Variants in RASGRF1 observed in about 807,000 individuals in gnomAD.
RASGRF1 encodes Ras protein specific guanine nucleotide releasing factor 1.
A neutral mutation model predicts 138.7 loss-of-function variants in RASGRF1; 40 were observed. That is an observed-to-expected ratio of 0.29 (90% CI 0.22 to 0.38). The LOEUF (loss-of-function observed/expected upper bound fraction) is 0.38, where lower values mean the gene tolerates loss of function less well. RASGRF1 is among the 10% of genes least tolerant of loss of function. RASGRF1 has a pLI of 1.00. For synonymous variants in RASGRF1, 614 were observed against 663.2 expected, an observed-to-expected ratio of 0.93 and a Z score of 1.14; for missense variants, 1,108 against 1,650.4, an observed-to-expected ratio of 0.67 and a Z score of 5.69.
At chr15:78,967,546 T>G (rs998723782) in intron 26 of RASGRF1, among the ~76,000 whole-genome samples, 1 of 151,880 alleles carries the variant, frequency 6.6e-6, no homozygotes, top group African/African-American at 2.4e-5. Context: ...GAGATCCTGT[T>G]TCAAAAAACT....
At chr15:78,963,906 G>A (rs540196004) in intron 26 of RASGRF1, among the ~76,000 whole-genome samples, 6 of 152,310 alleles carry the variant, frequency 3.9e-5, no homozygotes, top group Admixed American at 1.3e-4. Flanking sequence ...CATGTGAACA[G>A]TCCTTTCTAG....
intron 1 of RASGRF1, among the ~76,000 whole-genome samples, chr15:79,066,272 C>T (rs963023226): frequency 1.3e-5 from 2 of 152,190 alleles, no homozygotes; most frequent in Non-Finnish European, 2.9e-5. Context: ...AGAGGTTGAG[C>T]TGCTTGCCTA....
Position 79,025,886 on chromosome 15 carries a change from G to A in RASGRF1, c.1382-412C>T, listed in dbSNP as rs76660619. 4.8e-3 allele frequency among the ~76,000 whole-genome samples: 719 copies of A among 150,016 alleles called. 5 individuals carry two copies. The highest frequency in any genetic ancestry group is 0.017 in the African/African-American group (700 of 40,656). ...CTGGGAACTACTTAGGGCAAACCCT[G>A]CCTCCCATCCTACTTGTAAAAAAGA... is the stretch of plus-strand genomic sequence containing the variant. On this transcript the variant is annotated intron_variant, in intron 9 of 26. Transcript: ENST00000558480.
At position 79,004,193 on chromosome 15, in the gene RASGRF1, G is replaced by A. The variant is rs1276896196; in HGVS notation, c.2076-18C>T. 3 of 1,546,562 alleles carry A rather than the reference G, an allele frequency of 1.9e-6. No individual in the cohort carries two copies. The highest frequency in any genetic ancestry group is 1.7e-6 in the Non-Finnish European group (2 of 1,147,134). The stretch of plus-strand genomic sequence containing the variant: ...CCAGCGACCTGTGGGGAGGGCGGGG[G>A]TGAAAATGACAGTTAGCGTAGGCCT... On this transcript the variant is annotated intron_variant, in intron 14 of 26. Coordinates refer to ENST00000558480, the MANE Select transcript of RASGRF1 (RefSeq NM_001145648.3).
At chr15:79,047,902 G>C (rs1175828518) in intron 4 of RASGRF1, among the ~76,000 whole-genome samples, 3 of 152,220 alleles carry the variant, frequency 2.0e-5, no homozygotes, top group Non-Finnish European at 4.4e-5. Context: ...AGCAGGTACA[G>C]TTGTCCAGGG....
At chr15:79,054,903 C>A (rs963464594) in intron 3 of RASGRF1, among the ~76,000 whole-genome samples, 1 of 152,150 alleles carries the variant, frequency 6.6e-6, no homozygotes, top group Non-Finnish European at 1.5e-5. Flanking sequence ...GCCAGGGAAA[C>A]CCCTGGGAAT....
chr15:79,079,981 G>A (rs2057892784), intron 1 of RASGRF1, among the ~76,000 whole-genome samples: 1 of 152,236 alleles, frequency 6.6e-6, no homozygotes. Context: ...AGAGCCAGCA[G>A]ATGCGACTCA....
At chr15:79,064,198 G>A (rs1397248601) in intron 2 of RASGRF1, among the ~76,000 whole-genome samples, 1 of 152,144 alleles carries the variant, frequency 6.6e-6, no homozygotes, top group Non-Finnish European at 1.5e-5. Context: ...TGGGAGCAGG[G>A]TAGGAGCTGC....
chr15:78,961,964 C>G lies in RASGRF1; in HGVS notation c.*180G>C, dbSNP rs1174752311. ...GGAGACGAGGGGAGGGATGGGTGGG[C>G]GAAGTCTGAAACGGTGCAGAAATTC... On this transcript the variant is annotated 3_prime_UTR_variant, in exon 27 of 27. Coordinates refer to ENST00000558480, the MANE Select transcript of RASGRF1 (RefSeq NM_001145648.3). 2 of 570,748 alleles carry G rather than the reference C, an allele frequency of 3.5e-6. No homozygotes were observed. The highest frequency in any genetic ancestry group is 6.2e-6 in the Non-Finnish European group (2 of 320,392). 35.4% of individuals were successfully genotyped at this position (570,748 alleles called of 1,614,324 possible). A position where few individuals can be genotyped will look rare whatever the true frequency, so the allele number is the denominator to read the frequency against.
At chr15:79,022,269 G>A (rs546768275) in intron 10 of RASGRF1, among the ~76,000 whole-genome samples, 45 of 152,170 alleles carry the variant, frequency 3.0e-4, no homozygotes, top group Admixed American at 2.0e-3. Flanking sequence ...GTGAAACCCC[G>A]TCTCTACTAA....
At chr15:78,999,691 C>T in intron 17 of RASGRF1, 52 bp downstream of exon 17, 2 of 1,584,778 alleles carry the variant, frequency 1.3e-6, no homozygotes, top group Non-Finnish European at 1.7e-6. Flanking sequence ...TATCACCTGC[C>T]ACTGGGGCTG....
rs1405460540 is a variant in RASGRF1, at chr15:79,001,657, T to C, written c.2575+5A>G. The C allele has an allele frequency of 5.0e-6, 8 of 1,613,344 alleles. No homozygotes were observed. The highest frequency in any genetic ancestry group is 2.7e-5 in the African/African-American group (2 of 75,018). On this transcript the variant is annotated splice_donor_5th_base_variant and intron_variant, in intron 16 of 26. Transcript: ENST00000558480. The stretch of plus-strand genomic sequence containing the variant: ...TATTTGTGGTTTTGAATTGGTGCAT[T>C]GTACCTGAAGAATTTTTGTTTTTGA...
At chr15:78,966,420 T>C (rs1334723677) in intron 26 of RASGRF1, among the ~76,000 whole-genome samples, 1 of 142,602 alleles carries the variant, frequency 7.0e-6, no homozygotes, top group Non-Finnish European at 1.5e-5. Flanking sequence ...TATTTTTTTG[T>C]AGAGTTGGGA....
chr15:79,087,427 TC>T (rs1201707397), intron 1 of RASGRF1, among the ~76,000 whole-genome samples: 2 of 152,236 alleles, frequency 1.3e-5, no homozygotes. Context: ...TCAAAAACCA[TC>T]CCTGGCCCTT....
chr15:78,970,825 C>CTT (rs35845555), intron 26 of RASGRF1, among the ~76,000 whole-genome samples: 1 of 131,808 alleles, frequency 7.6e-6, no homozygotes, highest in African/African-American at 2.8e-5. Flanking sequence ...CTAGCTGAGA[C>CTT]TTTTTTTTTT....
Position 78,999,818 on chromosome 15 carries a change from C to A in RASGRF1, c.2671G>T (p.Ala891Ser). The change falls in exon 17 of 27, where the codon GCC becomes TCC. Residue 891 changes from alanine to serine, a missense_variant. Physicochemically the swap from Ala to Ser is moderately conservative, Grantham distance 99. This residue lies in a region of RASGRF1 where 686 missense variants were observed against 976.7 expected (regional missense o/e 0.70). Transcript: ENST00000558480. ...RSALSAASAF[A>S]IATAGANEGT... Reference sequence around the variant, plus strand: ...TCGTTGGCCCCGGCGGTTGCTATGGCAAAGGCAGAGGCGGCCGACAAGGCA... The same window carrying A: ...TCGTTGGCCCCGGCGGTTGCTATGGAAAAGGCAGAGGCGGCCGACAAGGCA... The A allele has an allele frequency of 6.2e-7, 1 of 1,614,170 alleles. No individual in the cohort carries two copies.
intron 1 of RASGRF1, among the ~76,000 whole-genome samples, chr15:79,089,573 G>C (rs955163207): frequency 1.3e-5 from 2 of 152,244 alleles, no homozygotes; most frequent in Non-Finnish European, 2.9e-5. Flanking sequence ...CCTAGCCCCG[G>C]CGCATCAGAG....
chr15:79,019,987 CGT>C (rs1171075399), intron 11 of RASGRF1, 52 bp downstream of exon 11: 1 of 1,593,374 alleles, frequency 6.3e-7, no homozygotes, highest in Non-Finnish European at 8.6e-7. Flanking sequence ...TAGGAGTGAG[CGT>C]GTGTGTATCT....
chr15:79,009,004 A>G (rs556651797), intron 13 of RASGRF1, among the ~76,000 whole-genome samples: 1 of 152,250 alleles, frequency 6.6e-6, no homozygotes, highest in Non-Finnish European at 1.5e-5. Flanking sequence ...AAGGTTAGTG[A>G]TGACACCTCT....
Sources: allele counts gnomAD v4.1 joint callset (sites outside exome capture counted in the v4.1 genomes callset), GRCh38; gene constraint gnomAD v4.1.1; regional missense constraint gnomAD v4.1.1; transcripts MANE v1.5; gene names NCBI Gene and HGNC (gene_info 2026-07-23, HGNC 2026-07-21).